Variants in PIP4K2A observed in about 807,000 individuals in gnomAD.
PIP4K2A encodes the protein phosphatidylinositol-5-phosphate 4-kinase type 2 alpha.
In PIP4K2A, 14 loss-of-function variants were observed where a neutral mutation model predicts 42.9. The observed-to-expected ratio is 0.33, with a 90% confidence interval of 0.22 to 0.51. The LOEUF (loss-of-function observed/expected upper bound fraction) is 0.51. PIP4K2A is among the 20% of genes least tolerant of loss of function. The pLI, the probability that PIP4K2A is intolerant of heterozygous loss-of-function variation, is 0.97. For missense variants in PIP4K2A, 434 were observed against 519.8 expected (o/e 0.83, Z 1.61); for synonymous variants, 192 against 192.2 (o/e 1.00, Z 0.01).
intron 3 of PIP4K2A, among the ~76,000 whole-genome samples, chr10:22,602,272 A>G (rs1346548067): frequency 1.3e-5 from 2 of 152,052 alleles, no homozygotes; most frequent in Non-Finnish European, 2.9e-5. Flanking sequence ...ACATACCTGT[A>G]GTCCCAGGTA....
chr10:22,581,288 T>TCTAGATGCCTGCGATGCAGCCA, intron 4 of PIP4K2A, among the ~76,000 whole-genome samples: 1 of 151,974 alleles, frequency 6.6e-6, no homozygotes, highest in African/African-American at 2.4e-5. Context: ...GAGCGGAGGC[T>TCTAGATGCCTGCGATGCAGCCA]TGACATTGAG....
At chr10:22,634,722 A>G (rs1324545383) in intron 1 of PIP4K2A, among the ~76,000 whole-genome samples, 1 of 151,920 alleles carries the variant, frequency 6.6e-6, no homozygotes, top group Non-Finnish European at 1.5e-5. Flanking sequence ...GGAAGCATAC[A>G]TTTTTTTTAA....
intron 3 of PIP4K2A, among the ~76,000 whole-genome samples, chr10:22,592,586 G>T (rs2130823411): frequency 6.6e-6 from 1 of 152,284 alleles, no homozygotes; most frequent in East Asian, 1.9e-4. Flanking sequence ...TAGGGGCTCT[G>T]CTGACATCAT....
At chr10:22,542,924 C>T (rs943193) in intron 7 of PIP4K2A, among the ~76,000 whole-genome samples, 145,485 of 152,190 alleles carry the variant, frequency 0.96, 69,577 homozygotes, top group East Asian at 1. Context: ...TGTTCCACTC[C>T]GACCTTGGGC....
chr10:22,713,415 G>T (rs936812279), intron 1 of PIP4K2A, among the ~76,000 whole-genome samples: 1 of 151,994 alleles, frequency 6.6e-6, no homozygotes, highest in Admixed American at 6.5e-5. Context: ...CCCTTCCGCA[G>T]TCGGTGACTT....
chr10:22,615,534 G>C (rs1189046079), intron 1 of PIP4K2A, among the ~76,000 whole-genome samples: 1 of 152,192 alleles, frequency 6.6e-6, no homozygotes, highest in African/African-American at 2.4e-5. Context: ...TGTTTTGAAG[G>C]AAAGAATCAT....
chr10:22,540,680 C>T (rs906512622), intron 8 of PIP4K2A, among the ~76,000 whole-genome samples: 5 of 152,160 alleles, frequency 3.3e-5, no homozygotes, highest in East Asian at 1.9e-4. Context: ...CTCAGCCTGC[C>T]GAGTAGCCGG....
chr10:22,541,676 C>T, intron 8 of PIP4K2A, 128 bp downstream of exon 8: 1 of 1,079,698 alleles, frequency 9.3e-7, no homozygotes, highest in Admixed American at 2.7e-5. Context: ...AAATCCATTT[C>T]TTTGGAGTTT....
Position 22,619,146 on chromosome 10 carries a change from T to C in PIP4K2A, c.145-9429A>G, listed in dbSNP as rs1384102924. 3.9e-5 allele frequency among the ~76,000 whole-genome samples: 6 copies of C among 152,026 alleles called. No individual in the cohort carries two copies. The East Asian group carries it at 9.6e-4, about 24-fold the overall frequency. ...AATTTTTATAATATTACAATGAATA[T>C]AGGTTGAAACAATTAAGAACTTTAA... On this transcript the variant is annotated intron_variant, in intron 1 of 9. Coordinates refer to ENST00000376573, the MANE Select transcript of PIP4K2A (RefSeq NM_005028.5).
intron 2 of PIP4K2A, among the ~76,000 whole-genome samples, chr10:22,608,837 A>G (rs544418544): frequency 6.6e-6 from 1 of 152,336 alleles, no homozygotes; most frequent in African/African-American, 2.4e-5. Flanking sequence ...TAATTTCACC[A>G]CTGCACACCA....
At chr10:22,698,282 C>A (rs1349592862) in intron 1 of PIP4K2A, among the ~76,000 whole-genome samples, 3 of 152,128 alleles carry the variant, frequency 2.0e-5, no homozygotes, top group Non-Finnish European at 4.4e-5. Context: ...TCTTTTTATT[C>A]CAATCTTTGC....
chr10:22,659,832 C>T (rs1382683872), intron 1 of PIP4K2A: 1 of 151,858 alleles, frequency 6.6e-6, no homozygotes, highest in Admixed American at 6.6e-5. Context: ...CTCCTCCCAC[C>T]CCCAACAACA....
intron 9 of PIP4K2A, 55 bp downstream of exon 9, chr10:22,539,907 GAGAGGGAGA>G: frequency 6.3e-6 from 1 of 159,610 alleles, no homozygotes. Context: ...GAGAGAGAGA[GAGAGGGAGA>G]GAGAGAGAGA....
Position 22,536,975 on chromosome 10 carries a change from C to A in PIP4K2A, c.*226G>T. On this transcript the variant is annotated 3_prime_UTR_variant, in exon 10 of 10. Transcript: ENST00000376573. ...CACACTCACCCCCCCCCAACACACA[C>A]ACACACACATATACACAAAGTCAGA... 1 of 432,586 alleles carries A rather than the reference C, an allele frequency of 2.3e-6. No individual in the cohort carries two copies. The highest frequency in any genetic ancestry group is 4.2e-6 in the Non-Finnish European group (1 of 240,204). 26.8% of individuals were successfully genotyped at this position (432,586 alleles called of 1,614,324 possible).
At chr10:22,656,034 A>T (rs1325250603) in intron 1 of PIP4K2A, among the ~76,000 whole-genome samples, 2 of 152,184 alleles carry the variant, frequency 1.3e-5, no homozygotes, top group Non-Finnish European at 2.9e-5. Context: ...GTTCCTATCG[A>T]TCTGCTCTAC....
At chr10:22,633,549 T>C (rs372783910) in intron 1 of PIP4K2A, among the ~76,000 whole-genome samples, 81 of 152,124 alleles carry the variant, frequency 5.3e-4, no homozygotes, top group African/African-American at 1.9e-3. Context: ...GCTGGAACTT[T>C]GGGGTGCTCC....
chr10:22,540,159 G>C, intron 8 of PIP4K2A, 85 bp from the exon 9 acceptor site: 1 of 781,628 alleles, frequency 1.3e-6, no homozygotes, highest in Non-Finnish European at 2.3e-6. Context: ...GGAGGGAGAA[G>C]TGAGCCTGGA....
intron 3 of PIP4K2A, among the ~76,000 whole-genome samples, chr10:22,605,212 T>C (rs1311895926): frequency 2.9e-5 from 4 of 139,764 alleles, no homozygotes; most frequent in Non-Finnish European, 5.9e-5. Context: ...CTTTTTTTAA[T>C]AGAAATACAG....
chr10:22,639,359 T>TAAAAAA (rs35329002), intron 1 of PIP4K2A, among the ~76,000 whole-genome samples: 2 of 135,730 alleles, frequency 1.5e-5, no homozygotes, highest in Non-Finnish European at 1.6e-5. Flanking sequence ...CAAAAGAAGC[T>TAAAAAA]AAAAAAAAAA....
Sources: gnomAD v4.1 joint callset for allele counts (sites outside exome capture counted in the v4.1 genomes callset) on GRCh38, gnomAD v4.1.1 for gene constraint, MANE v1.5 for transcripts, NCBI Gene and HGNC (gene_info 2026-07-23, HGNC 2026-07-21) for gene names.